VWA8: variants seen among roughly 807,000 people sequenced by gnomAD.
VWA8 encodes the protein von Willebrand factor A domain containing 8, also known as von Willebrand factor A domain-containing protein 8.
A neutral mutation model predicts 241.5 loss-of-function variants in VWA8; 221 were observed. That is an observed-to-expected ratio of 0.91 (90% CI 0.82 to 1.02). The LOEUF is 1.02. VWA8 is among the 50% of genes least tolerant of loss of function. The probability of loss-of-function intolerance (pLI) is 0.00; values close to 1 mark genes in which losing one functional copy is unlikely to be tolerated. For synonymous variants in VWA8, 852 were observed against 827.1 expected, an observed-to-expected ratio of 1.03 and a Z score of -0.52; for missense variants, 2,322 against 2,328.7, an observed-to-expected ratio of 1.00 and a Z score of 0.06.
chr13:41,688,949 C>A (rs2045156234), intron 34 of VWA8, among the ~76,000 whole-genome samples: 1 of 152,010 alleles, frequency 6.6e-6, no homozygotes, highest in South Asian at 2.1e-4. Flanking sequence ...TATAACAAAC[C>A]TGCACACGTA....
At chr13:41,594,219 C>T (rs532615173) in intron 40 of VWA8, among the ~76,000 whole-genome samples, 12 of 151,720 alleles carry the variant, frequency 7.9e-5, no homozygotes, top group Non-Finnish European at 1.5e-5. Flanking sequence ...AACTCCTGGG[C>T]TCTAGTGATC....
Position 41,721,562 on chromosome 13 carries a change from G to A in VWA8, c.2772C>T (p.Ser924=), listed in dbSNP as rs201920223. The A allele has an allele frequency of 4.1e-4, 662 of 1,612,236 alleles. 5 individuals are homozygous for A. The highest frequency in any genetic ancestry group is 9.9e-4 in the Middle Eastern group (6 of 6,034). ...DFFGTLGDIF[S]CHAVDNPKPH... is the part of the protein sequence containing the mutation. ...GTTTGGGGTTATCAACTGCATGGCA[G>A]CTAAAAATATCACCTAAAGGAGAGA... is the stretch of plus-strand genomic sequence containing the variant. The change falls in exon 25 of 45, where the codon AGC becomes AGT. Residue 924 remains serine, a synonymous_variant. Coordinates refer to ENST00000379310, the MANE Select transcript of VWA8 (RefSeq NM_015058.2).
intron 4 of VWA8, among the ~76,000 whole-genome samples, chr13:41,896,721 T>C (rs1197502696): frequency 6.6e-6 from 1 of 152,160 alleles, no homozygotes; most frequent in Non-Finnish European, 1.5e-5. Flanking sequence ...TTTTAGACTT[T>C]CAAATTGGCA....
intron 3 of VWA8, among the ~76,000 whole-genome samples, chr13:41,910,562 C>T (rs1383315686): frequency 8.0e-5 from 12 of 149,688 alleles, no homozygotes; most frequent in South Asian, 2.1e-4. Flanking sequence ...CCAGCCTGGG[C>T]GACAAAGTGG....
At chr13:41,676,956 CA>C (rs201423278) in intron 35 of VWA8, among the ~76,000 whole-genome samples, 2 of 150,394 alleles carry the variant, frequency 1.3e-5, no homozygotes, top group Admixed American at 6.6e-5. Flanking sequence ...TTATGTTTCT[CA>C]AAAAAAAATC....
intron 24 of VWA8, 112 bp from the exon 25 acceptor site, chr13:41,721,687 A>T (rs1307959499): frequency 1.8e-6 from 2 of 1,131,518 alleles, no homozygotes; most frequent in Non-Finnish European, 2.5e-6. Flanking sequence ...AAGCATAGAA[A>T]GCCCATCCAA....
intron 2 of VWA8, among the ~76,000 whole-genome samples, chr13:41,934,664 A>G (rs542538520): frequency 1.3e-5 from 2 of 152,220 alleles, no homozygotes; most frequent in African/African-American, 4.8e-5. Flanking sequence ...AGAAAAGTAT[A>G]TATGTTGTAT....
chr13:41,884,927 A>G (rs186715579), intron 8 of VWA8, among the ~76,000 whole-genome samples: 15 of 125,968 alleles, frequency 1.2e-4, no homozygotes, highest in African/African-American at 4.5e-4. Context: ...ACATACATAC[A>G]TACATACAAG....
At chr13:41,583,930 A>G (rs2044400767) in intron 42 of VWA8, among the ~76,000 whole-genome samples, 1 of 152,176 alleles carries the variant, frequency 6.6e-6, no homozygotes, top group Non-Finnish European at 1.5e-5. Flanking sequence ...TTTCTTAGGC[A>G]TGATAATGGT....
chr13:41,922,691 T>C (rs377365047), intron 2 of VWA8, among the ~76,000 whole-genome samples: 1 of 152,166 alleles, frequency 6.6e-6, no homozygotes, highest in Non-Finnish European at 1.5e-5. Flanking sequence ...AAAATGCTCA[T>C]CATCACTGGC....
At chr13:41,636,859 A>T (rs2044760927) in intron 37 of VWA8, among the ~76,000 whole-genome samples, 1 of 152,164 alleles carries the variant, frequency 6.6e-6, no homozygotes, top group Admixed American at 6.5e-5. Context: ...TCAAAACCAC[A>T]ATGAGATACC....
intron 14 of VWA8, 88 bp downstream of exon 14, chr13:41,830,441 G>T: frequency 9.3e-7 from 1 of 1,069,664 alleles, no homozygotes; most frequent in Non-Finnish European, 1.4e-6. Flanking sequence ...AGTTATCTTG[G>T]CATTATTCTA....
chr13:41,879,411 ACAC>A (rs751676693), intron 9 of VWA8, among the ~76,000 whole-genome samples: 140 of 148,900 alleles, frequency 9.4e-4, no homozygotes, highest in Non-Finnish European at 1.8e-3. Flanking sequence ...ACACACACAC[ACAC>A]ACCTTTCTTC....
chr13:41,574,538 CCAT>C (rs1186829840), intron 43 of VWA8, among the ~76,000 whole-genome samples: 1 of 152,122 alleles, frequency 6.6e-6, no homozygotes, highest in South Asian at 2.1e-4. Context: ...CATCAAAATA[CCAT>C]CATTATTTTT....
chr13:41,758,421 TATATATATAC>T (rs2045713630), intron 21 of VWA8, among the ~76,000 whole-genome samples: 1 of 64,304 alleles, frequency 1.6e-5, no homozygotes, highest in Non-Finnish European at 3.6e-5. Context: ...TATATATATA[TATATATATAC>T]GCTAGTATAT....
At chr13:41,594,058 C>A (rs989767325) in intron 40 of VWA8, among the ~76,000 whole-genome samples, 6 of 152,076 alleles carry the variant, frequency 3.9e-5, no homozygotes, top group African/African-American at 9.7e-5. Flanking sequence ...GTTTTATTAA[C>A]CAGTGATGCT....
chr13:41,929,807 G>A (rs1877020786), intron 2 of VWA8, among the ~76,000 whole-genome samples: 1 of 152,106 alleles, frequency 6.6e-6, no homozygotes, highest in African/African-American at 2.4e-5. Flanking sequence ...AAAGCTCCTG[G>A]ACATTGGCCT....
At chr13:41,864,429 A>G (rs1392921913) in intron 12 of VWA8, among the ~76,000 whole-genome samples, 1 of 152,188 alleles carries the variant, frequency 6.6e-6, no homozygotes, top group Non-Finnish European at 1.5e-5. Context: ...AAACAACCCC[A>G]AGGTCCATCA....
intron 2 of VWA8, chr13:41,926,852 T>C (rs1876869780): frequency 5.2e-6 from 3 of 575,334 alleles, no homozygotes; most frequent in Non-Finnish European, 1.0e-5. Context: ...AACTTCTTAA[T>C]GATATCTGTG....
Sources: allele counts gnomAD v4.1 joint callset (sites outside exome capture counted in the v4.1 genomes callset), GRCh38; gene constraint gnomAD v4.1.1; transcripts MANE v1.5; gene names NCBI Gene and HGNC (gene_info 2026-07-23, HGNC 2026-07-21).